The following RHOT1 variants were observed in gnomAD, a reference collection of about 807,000 sequenced individuals.
RHOT1 encodes the protein ras homolog family member T1, also known as mitochondrial Rho GTPase 1.
Under a neutral mutation model 95.3 loss-of-function variants are expected in RHOT1, and 27 were observed. The ratio of observed to expected loss-of-function variants is 0.28; its 90% CI spans 0.21 to 0.39. RHOT1 has a LOEUF of 0.39. Among genes scored for constraint, RHOT1 ranks in the 10% least tolerant of loss-of-function variants. The pLI is 1.00. For synonymous variants in RHOT1, 227 were observed against 263.5 expected (o/e 0.86, Z 1.34); for missense variants, 578 against 786.7 (o/e 0.73, Z 3.17).
intron 17 of RHOT1, 100 bp downstream of exon 17, chr17:32,207,129 A>T (rs1420063401): frequency 2.6e-6 from 3 of 1,147,486 alleles, no homozygotes; most frequent in Non-Finnish European, 3.7e-6. Context: ...CAACAAAATC[A>T]TGTGTATTTT....
intron 8 of RHOT1, among the ~76,000 whole-genome samples, chr17:32,190,625 T>A (rs1273716858): frequency 6.6e-6 from 1 of 152,256 alleles, no homozygotes; most frequent in Non-Finnish European, 1.5e-5. Context: ...TAAACTTTTT[T>A]AAAAGGAGAG....
chr17:32,206,894 C>CT lies in RHOT1; in HGVS notation c.1417-11dup, dbSNP rs1224301515. ...TTATGATACTTATATTTTTCATTAT[C>CT]TTTTTCTTTTACAAGTTGCATGATA... On this transcript the variant is annotated splice_polypyrimidine_tract_variant and intron_variant, in intron 16 of 19. Transcript: ENST00000545287. 1.3e-6 allele frequency: 2 copies of CT among 1,523,786 alleles called. No homozygotes were observed. The highest frequency in any genetic ancestry group is 4.5e-5 in the East Asian group (2 of 44,222). 94.4% of individuals were successfully genotyped at this position (1,523,786 alleles called of 1,614,324 possible).
intron 14 of RHOT1, among the ~76,000 whole-genome samples, chr17:32,201,848 ATC>A (rs1417381622): frequency 1.3e-5 from 2 of 152,114 alleles, no homozygotes; most frequent in African/African-American, 4.8e-5. Context: ...TATCACTAGT[ATC>A]TCTGGTGAGG....
At chr17:32,207,052 G>A in intron 17 of RHOT1, 23 bp downstream of exon 17, 1 of 1,585,648 alleles carries the variant, frequency 6.3e-7, no homozygotes, top group Non-Finnish European at 8.5e-7. Context: ...TACAGACTAT[G>A]ACTGAATGTA....
intron 19 of RHOT1, among the ~76,000 whole-genome samples, chr17:32,220,548 A>G (rs2038764271): frequency 6.6e-6 from 1 of 152,082 alleles, no homozygotes; most frequent in Admixed American, 6.6e-5. Context: ...AAAAAGTCTA[A>G]AAGGGGCTGG....
intron 15 of RHOT1, 175 bp from the exon 16 acceptor site, chr17:32,203,715 G>T: frequency 5.5e-6 from 3 of 545,588 alleles, no homozygotes; most frequent in Non-Finnish European, 9.6e-6. Flanking sequence ...TTTTATTTTA[G>T]GTCTTAAGAA....
At chr17:32,192,891 C>T (rs986075031) in intron 9 of RHOT1, among the ~76,000 whole-genome samples, 2 of 152,024 alleles carry the variant, frequency 1.3e-5, no homozygotes, top group East Asian at 1.9e-4. Flanking sequence ...AGGGTGGACT[C>T]GATCTCCTCG....
intron 1 of RHOT1, among the ~76,000 whole-genome samples, chr17:32,149,635 A>ATATGTGTGTGTGTGTGTGTGTG (rs1445281403): frequency 6.8e-5 from 4 of 59,084 alleles, no homozygotes; most frequent in Non-Finnish European, 1.0e-4. Flanking sequence ...ATATATATAT[A>ATATGTGTGTGTGTGTGTGTGTG]TGTGTGTGTG....
At chr17:32,153,041 A>G (rs1598290495) in intron 1 of RHOT1, among the ~76,000 whole-genome samples, 1 of 152,168 alleles carries the variant, frequency 6.6e-6, no homozygotes, top group Admixed American at 6.5e-5. Flanking sequence ...GGCTCAAGTG[A>G]TGTGCCTGCC....
intron 3 of RHOT1, among the ~76,000 whole-genome samples, chr17:32,174,235 GA>G (rs1262385815): frequency 1.1e-4 from 16 of 151,982 alleles, no homozygotes; most frequent in Non-Finnish European, 1.8e-4. Context: ...GACTTAGTAT[GA>G]AAAAAGGATG....
intron 1 of RHOT1, among the ~76,000 whole-genome samples, chr17:32,147,905 A>G (rs184958605): frequency 1.3e-5 from 2 of 151,136 alleles, no homozygotes; most frequent in East Asian, 1.9e-4. Context: ...GGGATGTTCA[A>G]ACACCCATTG....
chr17:32,155,311 C>T (rs184422823), intron 1 of RHOT1, among the ~76,000 whole-genome samples: 1 of 151,766 alleles, frequency 6.6e-6, no homozygotes, highest in African/African-American at 2.4e-5. Flanking sequence ...AGGTGCCCAC[C>T]ACCACGCCTG....
At chr17:32,197,397 T>TTTCTTTTTTC (rs1157549996) in intron 11 of RHOT1, among the ~76,000 whole-genome samples, 1 of 150,368 alleles carries the variant, frequency 6.7e-6, no homozygotes, top group Non-Finnish European at 1.5e-5. Flanking sequence ...CCCAGCTAAT[T>TTTCTTTTTTC]TTCTTTTTTC....
In RHOT1 at chr17:32,193,152, C is replaced by T. The variant is rs1455564891; in HGVS notation, c.656C>T (p.Thr219Ile). 1.2e-6 allele frequency: 2 copies of T among 1,609,060 alleles called. No homozygotes were observed. The highest frequency in any genetic ancestry group is 2.2e-5 in the East Asian group (1 of 44,742). ...LNFFQRICFN[T>I]PLAPQALEDV... ...TTTTGCTAGAGGATTTGTTTCAACA[C>T]TCCATTAGCTCCTCAAGCTCTGGAG... Residue 219 changes from threonine to isoleucine, a missense_variant, in exon 10 of 20, where the codon ACT (threonine) becomes ATT (isoleucine). Thr to Ile is a moderately conservative substitution (Grantham distance 89, BLOSUM62 -1). This residue lies in a region of RHOT1 where 227 missense variants were observed against 316.0 expected (regional missense o/e 0.72). Coordinates refer to ENST00000545287, the MANE Select transcript of RHOT1 (RefSeq NM_001033566.3).
chr17:32,171,221 T>A (rs2034545886), intron 2 of RHOT1, 120 bp downstream of exon 2: 7 of 650,574 alleles, frequency 1.1e-5, no homozygotes, highest in Non-Finnish European at 1.8e-5. Context: ...GTTGAGACTT[T>A]TTTTTCTCCC....
intron 1 of RHOT1, among the ~76,000 whole-genome samples, chr17:32,157,287 G>T (rs2033061750): frequency 6.6e-6 from 1 of 152,166 alleles, no homozygotes; most frequent in Admixed American, 6.5e-5. Flanking sequence ...TTTATTAAGT[G>T]CCATGGGAGC....
rs117484436 is a variant in RHOT1, at chr17:32,218,889, C to T, written c.1863-5727C>T. On this transcript the variant is annotated intron_variant, in intron 19 of 19. Coordinates refer to ENST00000545287, the MANE Select transcript of RHOT1 (RefSeq NM_001033566.3). ...TCAGTATAGTTTTCAACTTGAGATA[C>T]GTAATTACAAATGAGAAAAAGCTAA... 4.3e-3 allele frequency among the ~76,000 whole-genome samples: 655 copies of T among 152,226 alleles called. 2 individuals carry two copies. Among genetic ancestry groups the T allele is most frequent in the Non-Finnish European group, 7.0e-3 (473 of 68,008 alleles).
rs747726637 is a variant in RHOT1, at chr17:32,224,729, G to T, written c.1976G>T (p.Arg659Leu). The change falls in exon 20 of 20, where the codon CGA becomes CTA. Residue 659 changes from arginine to leucine, a missense_variant. Physicochemically the swap from Arg to Leu is moderately radical, Grantham distance 102 (BLOSUM62 -2). Coordinates refer to ENST00000545287, the MANE Select transcript of RHOT1 (RefSeq NM_001033566.3). ...FAMYKALLKQ[R>L] ...ATGTACAAAGCATTATTGAAACAGC[G>T]ATGATATAAAAAGAAATACTGTCCC... 6.3e-7 allele frequency: 1 copy of T among 1,592,498 alleles called. No homozygotes were observed. The highest frequency in any genetic ancestry group is 1.1e-5 in the South Asian group (1 of 89,436).
intron 1 of RHOT1, among the ~76,000 whole-genome samples, chr17:32,158,616 C>G (rs902584817): frequency 6.6e-6 from 1 of 151,998 alleles, no homozygotes; most frequent in East Asian, 1.9e-4. Flanking sequence ...CATGCCACCA[C>G]GCCCGGCTAA....
Sources: allele counts gnomAD v4.1 joint callset (sites outside exome capture counted in the v4.1 genomes callset), GRCh38; gene constraint gnomAD v4.1.1; regional missense constraint gnomAD v4.1.1; transcripts MANE v1.5; gene names NCBI Gene and HGNC (gene_info 2026-07-23, HGNC 2026-07-21).